SRBD1: variants seen among roughly 807,000 people sequenced by gnomAD.
SRBD1 encodes the protein S1 RNA binding domain 1.
Under a neutral mutation model 115.3 loss-of-function variants are expected in SRBD1, and 88 were observed. The observed-to-expected ratio is 0.76, with a 90% CI of 0.64 to 0.91. The LOEUF (loss-of-function observed/expected upper bound fraction) is 0.91. Ranked by LOEUF, SRBD1 falls within the 40% of genes least tolerant of loss-of-function variation. The probability of loss-of-function intolerance (pLI) is 0.00; values close to 1 mark genes in which losing one functional copy is unlikely to be tolerated. For missense variants in SRBD1, 1,385 were observed against 1,177.4 expected (o/e 1.18, Z -2.58); for synonymous variants, 509 against 407.7 (o/e 1.25, Z -2.99).
chr2:45,549,527 G>A (rs1056279816), intron 12 of SRBD1, among the ~76,000 whole-genome samples: 1 of 151,582 alleles, frequency 6.6e-6, no homozygotes, highest in Non-Finnish European at 1.5e-5. Flanking sequence ...CCTAATGTAT[G>A]AGAACAAGCT....
chr2:45,531,266 C>T (rs1207504372), intron 14 of SRBD1, among the ~76,000 whole-genome samples: 4 of 151,834 alleles, frequency 2.6e-5, no homozygotes, highest in Non-Finnish European at 5.9e-5. Flanking sequence ...TATTTCCATA[C>T]TCACCGTATA....
At chr2:45,604,787 CCT>C (rs1404606542) in intron 2 of SRBD1, among the ~76,000 whole-genome samples, 3 of 152,112 alleles carry the variant, frequency 2.0e-5, no homozygotes, top group Admixed American at 6.5e-5. Context: ...TATCCCCTGC[CCT>C]GTTTTATTTT....
chr2:45,597,216 G>T (rs1013869020), intron 4 of SRBD1, among the ~76,000 whole-genome samples: 8 of 151,994 alleles, frequency 5.3e-5, no homozygotes, highest in Non-Finnish European at 8.8e-5. Flanking sequence ...GTCAGAAGAC[G>T]GAGACCATTC....
rs762522729 is a variant in SRBD1 at position 45,419,999 on chromosome 2, A to G, written c.2050-105T>C. On this transcript the variant is annotated intron_variant, in intron 16 of 20. Transcript: ENST00000263736. ...GTGGTTAGCTAACACACACCATGGT[A>G]AATTTCTTCATTCCTCTTAGACACA... 101 of 986,378 alleles carry G rather than the reference A, an allele frequency of 1.0e-4. 1 individual carries two copies. The Middle Eastern group carries it at 8.6e-3, about 84-fold the overall frequency. The allele number at this position is 986,378 out of a possible 1,614,324, so 61.1% of individuals were successfully genotyped here.
chr2:45,587,901 T>A (rs1558497680), intron 4 of SRBD1, among the ~76,000 whole-genome samples: 1 of 152,196 alleles, frequency 6.6e-6, no homozygotes, highest in Non-Finnish European at 1.5e-5. Flanking sequence ...TTATTTCTCC[T>A]CTACTTTTAC....
At chr2:45,414,163 T>C (rs1312843143) in intron 18 of SRBD1, among the ~76,000 whole-genome samples, 1 of 152,144 alleles carries the variant, frequency 6.6e-6, no homozygotes, top group Non-Finnish European at 1.5e-5. Flanking sequence ...TGATTTTGAA[T>C]TTAGAATCGC....
chr2:45,571,534 A>AAAAAAAAAC (rs1673015633), intron 9 of SRBD1, among the ~76,000 whole-genome samples: 1 of 149,798 alleles, frequency 6.7e-6, no homozygotes, highest in Non-Finnish European at 1.5e-5. Context: ...AAAAAAAAAA[A>AAAAAAAAAC]AAAAAAAACT....
chr2:45,409,538 G>GAA (rs1667535703), intron 19 of SRBD1, among the ~76,000 whole-genome samples: 1 of 141,568 alleles, frequency 7.1e-6, no homozygotes. Context: ...AAAGAATAAA[G>GAA]AAAAGAAAAA....
chr2:45,432,049 A>G (rs1668355712), intron 16 of SRBD1, among the ~76,000 whole-genome samples: 1 of 151,314 alleles, frequency 6.6e-6, no homozygotes, highest in Non-Finnish European at 1.5e-5. Context: ...TTATTTATTG[A>G]GATGGTGTCT....
chr2:45,418,239 A>T (rs1667888993), intron 18 of SRBD1, 126 bp downstream of exon 18: 2 of 1,114,982 alleles, frequency 1.8e-6, no homozygotes, highest in East Asian at 2.4e-5. Context: ...CAGTCACTCA[A>T]CACTTAACTG....
intron 15 of SRBD1, among the ~76,000 whole-genome samples, chr2:45,486,598 T>C (rs569623632): frequency 2.6e-5 from 4 of 152,080 alleles, no homozygotes; most frequent in African/African-American, 9.6e-5. Flanking sequence ...CCAGGCGTGG[T>C]GGCAGGCGCC....
At chr2:45,580,601 T>G (rs1477595557) in intron 6 of SRBD1, among the ~76,000 whole-genome samples, 1 of 148,112 alleles carries the variant, frequency 6.8e-6, no homozygotes, top group Non-Finnish European at 1.5e-5. Flanking sequence ...TCTCGTGATC[T>G]GCCCGCCTCG....
intron 11 of SRBD1, among the ~76,000 whole-genome samples, chr2:45,553,074 G>C (rs1322387814): frequency 6.6e-6 from 1 of 152,192 alleles, no homozygotes; most frequent in Non-Finnish European, 1.5e-5. Flanking sequence ...AGAAGCAAGA[G>C]AGAGGAGTTT....
At chr2:45,463,667 A>G (rs548366577) in intron 16 of SRBD1, among the ~76,000 whole-genome samples, 1 of 152,212 alleles carries the variant, frequency 6.6e-6, no homozygotes, top group Non-Finnish European at 1.5e-5. Flanking sequence ...CATTACATCC[A>G]AGATTGTTAG....
At chr2:45,423,968 G>C (rs1008225714) in intron 16 of SRBD1, among the ~76,000 whole-genome samples, 1 of 152,026 alleles carries the variant, frequency 6.6e-6, no homozygotes, top group Non-Finnish European at 1.5e-5. Flanking sequence ...CAAATTTAGA[G>C]AAGGCATGCA....
chr2:45,497,225 CAT>C (rs1364954564), intron 14 of SRBD1, among the ~76,000 whole-genome samples: 3 of 152,204 alleles, frequency 2.0e-5, no homozygotes, highest in South Asian at 2.1e-4. Flanking sequence ...AATTTACTAA[CAT>C]GTGGTACACA....
chr2:45,418,572 AAG>A, intron 17 of SRBD1, 31 bp from the exon 18 acceptor site: 2 of 1,588,768 alleles, frequency 1.3e-6, no homozygotes, highest in Non-Finnish European at 1.7e-6. Context: ...AACTGAAAAA[AAG>A]ATCTCATCTG....
chr2:45,563,080 T>C (rs955568505), intron 9 of SRBD1, among the ~76,000 whole-genome samples: 7 of 152,322 alleles, frequency 4.6e-5, no homozygotes, highest in Middle Eastern at 3.4e-3. Flanking sequence ...ATACTTTTTA[T>C]AATTTGAAAA....
At chr2:45,471,314 T>C (rs1669641537) in intron 16 of SRBD1, among the ~76,000 whole-genome samples, 1 of 152,194 alleles carries the variant, frequency 6.6e-6, no homozygotes, top group Non-Finnish European at 1.5e-5. Flanking sequence ...ATTGTTTTTA[T>C]TCTAGAGCAA....
Sources: gnomAD v4.1 joint callset for allele counts (sites outside exome capture counted in the v4.1 genomes callset) on GRCh38, gnomAD v4.1.1 for gene constraint, MANE v1.5 for transcripts, NCBI Gene and HGNC (gene_info 2026-07-23, HGNC 2026-07-21) for gene names.